SNTG1: variants seen among roughly 807,000 people sequenced by gnomAD.
SNTG1 encodes the protein gamma-1-syntrophin.
Under a neutral mutation model 74.7 loss-of-function variants are expected in SNTG1, and 39 were observed. The ratio of observed to expected loss-of-function variants is 0.52; its 90% CI spans 0.40 to 0.68. SNTG1 has a LOEUF of 0.68. Among genes scored for constraint, SNTG1 ranks in the 30% least tolerant of loss-of-function variants. SNTG1 has a pLI of 0.00. For missense variants in SNTG1, 685 were observed against 609.5 expected, an observed-to-expected ratio of 1.12 and a Z score of -1.30; for synonymous variants, 254 against 217.1, an observed-to-expected ratio of 1.17 and a Z score of -1.49.
chr8:50,495,563 T>C (rs1197144443), intron 8 of SNTG1, among the ~76,000 whole-genome samples: 2 of 152,094 alleles, frequency 1.3e-5, no homozygotes, highest in Non-Finnish European at 2.9e-5. Context: ...GTGATAAGGT[T>C]TTCTTAGATG....
chr8:50,146,760 C>G (rs965139880), intron 1 of SNTG1, among the ~76,000 whole-genome samples: 2 of 151,928 alleles, frequency 1.3e-5, no homozygotes, highest in East Asian at 1.9e-4. Context: ...TATGTAGTGG[C>G]CTTTCAATGT....
chr8:50,563,739 A>G (rs772209715), intron 12 of SNTG1, among the ~76,000 whole-genome samples: 14 of 152,120 alleles, frequency 9.2e-5, no homozygotes, highest in Non-Finnish European at 1.6e-4. Flanking sequence ...ATGTACAACA[A>G]CTTGGAGTCT....
chr8:50,553,274 CT>C (rs1378252270), intron 12 of SNTG1, 95 bp downstream of exon 12: 2 of 1,468,044 alleles, frequency 1.4e-6, no homozygotes, highest in African/African-American at 1.4e-5. Flanking sequence ...GTTTGGTGTT[CT>C]TCTCAGAATG....
chr8:50,538,406 T>A (rs2094322679), intron 11 of SNTG1, among the ~76,000 whole-genome samples: 1 of 152,132 alleles, frequency 6.6e-6, no homozygotes, highest in Non-Finnish European at 1.5e-5. Flanking sequence ...TTAATTTTTT[T>A]AGACATTCTT....
intron 1 of SNTG1, among the ~76,000 whole-genome samples, chr8:50,102,293 A>AT (rs1462798917): frequency 6.6e-6 from 1 of 151,556 alleles, no homozygotes; most frequent in African/African-American, 2.4e-5. Context: ...TTTGATTTGC[A>AT]TTTCTCTGAT....
chr8:50,381,836 T>TATTATATATATATATATTA (rs1251572214), intron 2 of SNTG1: 4 of 98,938 alleles, frequency 4.0e-5, no homozygotes, highest in Admixed American at 2.1e-4. Context: ...TATATATATA[T>TATTATATATATATATATTA]TATATATATA....
rs2094708930 is a variant in SNTG1 at position 50,593,838 on chromosome 8, C to A, written c.849+2921C>A. 2.0e-5 allele frequency among the ~76,000 whole-genome samples: 3 copies of A among 151,982 alleles called. No homozygotes were observed. In the South Asian group the frequency reaches 6.2e-4, roughly 31 times the overall value. Reference sequence around the variant, plus strand: ...GTTCGAGCGATTCTCCTGCCTCAGCCTCCCAAGCAGCTGGGATTACAGGCA... The same window carrying A: ...GTTCGAGCGATTCTCCTGCCTCAGCATCCCAAGCAGCTGGGATTACAGGCA... On this transcript the variant is annotated intron_variant, in intron 13 of 18. Coordinates refer to ENST00000642720, the MANE Select transcript of SNTG1 (RefSeq NM_018967.5).
chr8:50,642,537 C>A (rs1360472250), intron 13 of SNTG1, among the ~76,000 whole-genome samples: 1 of 152,110 alleles, frequency 6.6e-6, no homozygotes, highest in Non-Finnish European at 1.5e-5. Flanking sequence ...GTAACCATAA[C>A]CATAATGGAC....
In SNTG1 at chr8:50,102,611, G is replaced by T. The variant is rs989603909; in HGVS notation, c.-102-69950G>T. 7.4e-5 allele frequency among the ~76,000 whole-genome samples: 11 copies of T among 148,572 alleles called. 1 individual carries two copies. The highest frequency in any genetic ancestry group is 2.5e-4 in the African/African-American group (10 of 39,226). ...GGCTTTTGTTGCCATTGCTTTTGGT[G>T]TTTTAGACATGAAGTCCTTGCCCAT... is the stretch of plus-strand genomic sequence containing the variant. On this transcript the variant is annotated intron_variant, in intron 1 of 18. Coordinates refer to ENST00000642720, the MANE Select transcript of SNTG1 (RefSeq NM_018967.5).
intron 2 of SNTG1, among the ~76,000 whole-genome samples, chr8:50,231,075 T>C (rs10283373): frequency 0.9 from 135,888 of 151,192 alleles, 62,362 homozygotes; most frequent in East Asian, 1. Flanking sequence ...GATTAAGAAA[T>C]GGGCAAGGAA....
chr8:50,278,326 C>G (rs1236099198), intron 2 of SNTG1, among the ~76,000 whole-genome samples: 1 of 152,044 alleles, frequency 6.6e-6, no homozygotes, highest in Non-Finnish European at 1.5e-5. Flanking sequence ...ATTTATAGGT[C>G]TTTAATCCTT....
At chr8:50,094,198 G>C (rs1045857431) in intron 1 of SNTG1, among the ~76,000 whole-genome samples, 1 of 152,040 alleles carries the variant, frequency 6.6e-6, no homozygotes, top group Non-Finnish European at 1.5e-5. Context: ...AACAGAGGTA[G>C]AAAAGTGTGT....
chr8:50,079,827 T>TC (rs1359410085), intron 1 of SNTG1, among the ~76,000 whole-genome samples: 1 of 152,106 alleles, frequency 6.6e-6, no homozygotes, highest in African/African-American at 2.4e-5. Context: ...GGAATCCTTT[T>TC]CCCATTGCTT....
chr8:49,928,028 C>T (rs1354731410), intron 1 of SNTG1, among the ~76,000 whole-genome samples: 1 of 150,724 alleles, frequency 6.6e-6, no homozygotes, highest in African/African-American at 2.4e-5. Context: ...ACTCGGGGGG[C>T]TGAGGCAGGA....
At chr8:49,934,179 A>G (rs1807837226) in intron 1 of SNTG1, among the ~76,000 whole-genome samples, 1 of 152,030 alleles carries the variant, frequency 6.6e-6, no homozygotes, top group Non-Finnish European at 1.5e-5. Flanking sequence ...TATAAGGTAT[A>G]CCTTACTTAA....
intron 2 of SNTG1, among the ~76,000 whole-genome samples, chr8:50,294,766 G>T (rs1346815399): frequency 6.6e-6 from 1 of 152,148 alleles, no homozygotes; most frequent in Non-Finnish European, 1.5e-5. Context: ...CCATGGCTCA[G>T]CCAAATTGAC....
At chr8:50,575,074 G>T (rs2094569527) in intron 12 of SNTG1, among the ~76,000 whole-genome samples, 1 of 151,828 alleles carries the variant, frequency 6.6e-6, no homozygotes, top group South Asian at 2.1e-4. Flanking sequence ...ATGTTTGTTT[G>T]GCACTCTGTG....
At chr8:50,724,011 T>C (rs959843646) in intron 17 of SNTG1, among the ~76,000 whole-genome samples, 1 of 151,956 alleles carries the variant, frequency 6.6e-6, no homozygotes, top group African/African-American at 2.4e-5. Context: ...TCCAAGAACA[T>C]AAGGAGGGCA....
chr8:50,429,942 C>T (rs73581358), intron 4 of SNTG1, among the ~76,000 whole-genome samples: 4,242 of 152,032 alleles, frequency 0.028, 189 homozygotes, highest in African/African-American at 0.096. Flanking sequence ...GCTATAATCA[C>T]AAAGATAGAT....
Sources: gnomAD v4.1 joint callset for allele counts (sites outside exome capture counted in the v4.1 genomes callset) on GRCh38, gnomAD v4.1.1 for gene constraint, MANE v1.5 for transcripts, NCBI Gene and HGNC (gene_info 2026-07-23, HGNC 2026-07-21) for gene names.